KLHL2: variants seen among roughly 807,000 people sequenced by gnomAD.
The protein encoded by KLHL2 is kelch-like protein 2.
A neutral mutation model predicts 75.8 loss-of-function variants in KLHL2; 15 were observed. The observed-to-expected ratio is 0.20, with a 90% CI of 0.13 to 0.30. The LOEUF (loss-of-function observed/expected upper bound fraction) is 0.30. KLHL2 is among the 10% of genes least tolerant of loss of function. The pLI is 1.00. For synonymous variants in KLHL2, 214 were observed against 251.9 expected (o/e 0.85, Z 1.42); for missense variants, 381 against 741.0 (o/e 0.51, Z 5.64).
chr4:165,210,040 C>G (rs1737098198), intron 1 of KLHL2: 1 of 1,547,996 alleles, frequency 6.5e-7, no homozygotes, highest in African/African-American at 1.4e-5. Flanking sequence ...TGGGCTAGAA[C>G]AGAGGCCAGT....
intron 5 of KLHL2, chr4:165,279,166 A>G (rs1467914976): frequency 2.5e-6 from 4 of 1,598,348 alleles, no homozygotes; most frequent in African/African-American, 1.3e-5. Context: ...CTTTTCTCAC[A>G]TTGTCGAGGA....
At chr4:165,208,329 T>A (rs1225040502) in intron 1 of KLHL2, 3 of 153,878 alleles carry the variant, frequency 1.9e-5, no homozygotes, top group Non-Finnish European at 4.3e-5. Flanking sequence ...TCTAAATGAA[T>A]TGATCTTAGG....
intron 4 of KLHL2, among the ~76,000 whole-genome samples, chr4:165,258,060 A>T (rs1321215995): frequency 6.6e-6 from 1 of 152,128 alleles, no homozygotes; most frequent in African/African-American, 2.4e-5. Context: ...AAGGAGAAGG[A>T]TGTAGGAAGG....
intron 5 of KLHL2, among the ~76,000 whole-genome samples, chr4:165,265,766 A>G (rs1742192542): frequency 6.6e-6 from 1 of 152,196 alleles, no homozygotes. Context: ...TATTGTGAAT[A>G]GTGTCGCAAT....
chr4:165,247,448 G>A (rs1398593818), intron 4 of KLHL2, among the ~76,000 whole-genome samples: 1 of 152,086 alleles, frequency 6.6e-6, no homozygotes, highest in Admixed American at 6.5e-5. Context: ...TTTTTGATGG[G>A]TAATATTTTA....
chr4:165,235,025 A>G (rs1214375574), intron 3 of KLHL2, among the ~76,000 whole-genome samples: 1 of 152,106 alleles, frequency 6.6e-6, no homozygotes, highest in African/African-American at 2.4e-5. Context: ...ATGATGTGGT[A>G]TTTGCTAGTG....
At chr4:165,210,512 G>A (rs937495583) in intron 1 of KLHL2, among the ~76,000 whole-genome samples, 10 of 152,090 alleles carry the variant, frequency 6.6e-5, no homozygotes, top group African/African-American at 2.4e-4. Flanking sequence ...TGTGCTTATT[G>A]TTTTTTGCAT....
intron 5 of KLHL2, among the ~76,000 whole-genome samples, chr4:165,287,450 G>A (rs1457543211): frequency 6.6e-6 from 1 of 152,158 alleles, no homozygotes; most frequent in African/African-American, 2.4e-5. Flanking sequence ...ATGCTTCTGT[G>A]AACATGGGTG....
intron 7 of KLHL2, among the ~76,000 whole-genome samples, chr4:165,298,366 T>C (rs930770985): frequency 1.3e-5 from 2 of 152,196 alleles, no homozygotes; most frequent in African/African-American, 4.8e-5. Context: ...CTTCGTAATT[T>C]AATAGTGGCA....
chr4:165,218,795 A>G (rs1256390454), intron 1 of KLHL2, among the ~76,000 whole-genome samples: 2 of 152,276 alleles, frequency 1.3e-5, no homozygotes, highest in African/African-American at 2.4e-5. Context: ...GGGTCAGGAA[A>G]GGAAGAGAAG....
chr4:165,234,613 A>ATT (rs1186473633), intron 3 of KLHL2, among the ~76,000 whole-genome samples: 414 of 115,266 alleles, frequency 3.6e-3, no homozygotes, highest in Middle Eastern at 4.9e-3. Context: ...TTGAGTTGGA[A>ATT]TTTTTTTTTT....
intron 9 of KLHL2, among the ~76,000 whole-genome samples, chr4:165,306,910 G>A (rs1048445729): frequency 5.9e-5 from 9 of 152,100 alleles, no homozygotes; most frequent in Non-Finnish European, 1.0e-4. Context: ...CCAAAGTTTT[G>A]TGTCTCTGGA....
intron 13 of KLHL2, 31 bp downstream of exon 13, chr4:165,314,197 T>C (rs375826490): frequency 7.5e-5 from 118 of 1,581,456 alleles, no homozygotes; most frequent in Middle Eastern, 3.3e-4. Flanking sequence ...ATAAAACTTA[T>C]GTTGAATTTT....
At chr4:165,211,995 A>C (rs543772353) in intron 1 of KLHL2, among the ~76,000 whole-genome samples, 110 of 152,284 alleles carry the variant, frequency 7.2e-4, no homozygotes, top group African/African-American at 2.5e-3. Flanking sequence ...AGACCACTGA[A>C]CTTCTTTCTT....
chr4:165,307,942 G>T (rs1274034331), intron 9 of KLHL2, among the ~76,000 whole-genome samples: 3 of 152,054 alleles, frequency 2.0e-5, no homozygotes, highest in Non-Finnish European at 4.4e-5. Flanking sequence ...TGACTTATCT[G>T]TCTCCATTCA....
chr4:165,277,900 G>A (rs565653257), intron 5 of KLHL2: 4 of 846,208 alleles, frequency 4.7e-6, no homozygotes, highest in South Asian at 4.0e-5. Context: ...TATGAATAGT[G>A]TCATCGCATT....
intron 4 of KLHL2, among the ~76,000 whole-genome samples, chr4:165,257,709 A>G (rs1741300246): frequency 1.3e-5 from 2 of 152,184 alleles, no homozygotes; most frequent in Non-Finnish European, 2.9e-5. Context: ...GTATCTCAAA[A>G]TAGAAATACA....
intron 2 of KLHL2, among the ~76,000 whole-genome samples, chr4:165,220,337 A>G (rs548779312): frequency 6.6e-6 from 1 of 152,044 alleles, no homozygotes; most frequent in Non-Finnish European, 1.5e-5. Context: ...TTCTAAATGC[A>G]AAAAAAAGAA....
chr4:165,207,742 G>GC lies in KLHL2; in HGVS notation c.-135_-134insC. On this transcript the variant is annotated 5_prime_UTR_variant, in exon 1 of 15. The change abolishes the stop of an existing upstream ORF in the 5' untranslated region. Coordinates refer to ENST00000226725, the MANE Select transcript of KLHL2 (RefSeq NM_007246.4). This position sits in a 1 kb window ranked among gnomAD's most constrained non-coding sequence, Gnocchi z 4.2. ...GCCGCCGCCGCAGGTGGTGGCGCGC[G>GC]GTGAGGAGAGCGCGGCGCCCCCTCC... The GC allele has an allele frequency of 1.8e-6, 1 of 548,792 alleles. No individual in the cohort carries two copies. Among genetic ancestry groups the GC allele is most frequent in the South Asian group, 4.1e-5 (1 of 24,480 alleles). The allele number at this position is 548,792 out of a possible 1,614,324, so 34.0% of individuals were successfully genotyped here.
Sources: gnomAD v4.1 joint callset for allele counts (sites outside exome capture counted in the v4.1 genomes callset) on GRCh38, gnomAD v4.1.1 for gene constraint, Gnocchi (gnomAD v3.1) non-coding constraint, MANE v1.5 for transcripts, NCBI Gene and HGNC (gene_info 2026-07-23, HGNC 2026-07-21) for gene names.